The following RTL4 variants were observed in gnomAD, a reference collection of about 807,000 sequenced individuals.
RTL4 encodes the protein retrotransposon Gag-like protein 4.
A neutral mutation model predicts 5.3 loss-of-function variants in RTL4; 4 were observed. The observed-to-expected ratio is 0.75, with a 90% CI of 0.37 to 1.72. The LOEUF is 1.72. Ranked by LOEUF, RTL4 falls within the 40% of genes most tolerant of loss-of-function variation. The pLI is 0.04. For missense variants in RTL4, 260 were observed against 227.1 expected (o/e 1.14, Z -0.93); for synonymous variants, 98 against 87.3 (o/e 1.12, Z -0.68).
the RTL4 span, among the ~76,000 whole-genome samples, chrX:112,159,059 A>G: frequency 8.9e-6 from 1 of 112,137 alleles, no homozygotes. Flanking sequence ...ATTTGCATTC[A>G]TTGATTACCA....
At chrX:112,089,708 G>A in the RTL4 span, among the ~76,000 whole-genome samples, 1 of 111,530 alleles carries the variant, frequency 9.0e-6, no homozygotes, top group Non-Finnish European at 1.9e-5. Context: ...TCTTTTTCAA[G>A]ACTGTTAAGA....
the RTL4 span, among the ~76,000 whole-genome samples, chrX:112,358,127 T>G: frequency 1.7e-3 from 185 of 111,005 alleles, no homozygotes; most frequent in African/African-American, 5.8e-3. Flanking sequence ...TATTTATTTT[T>G]AGGCAGGGTC....
At chrX:112,195,272 A>C in the RTL4 span, among the ~76,000 whole-genome samples, 2 of 112,142 alleles carry the variant, frequency 1.8e-5, no homozygotes, top group Non-Finnish European at 3.8e-5. Flanking sequence ...GCATAGAGAC[A>C]GGAAGCTATT....
chrX:112,108,352 C>T, the RTL4 span, among the ~76,000 whole-genome samples: 5 of 111,723 alleles, frequency 4.5e-5, no homozygotes, highest in South Asian at 7.5e-4. Flanking sequence ...TCTTTGGTGA[C>T]GTCATGTTTC....
chrX:112,167,342 T>C, the RTL4 span, among the ~76,000 whole-genome samples: 1 of 111,921 alleles, frequency 8.9e-6, no homozygotes, highest in South Asian at 3.7e-4. Flanking sequence ...GCAAATTGTG[T>C]TGGTAGAACT....
the RTL4 span, among the ~76,000 whole-genome samples, chrX:112,385,203 G>A: frequency 9.0e-6 from 1 of 110,660 alleles, no homozygotes; most frequent in Non-Finnish European, 1.9e-5. Flanking sequence ...TTTAAATTTT[G>A]ATGAAATCTG....
the RTL4 span, among the ~76,000 whole-genome samples, chrX:112,115,459 A>G: frequency 9.0e-6 from 1 of 111,465 alleles, no homozygotes; most frequent in Non-Finnish European, 1.9e-5. Context: ...GGAGGGCCAT[A>G]CCCTGAGGGA....
At chrX:112,233,615 C>T in the RTL4 span, among the ~76,000 whole-genome samples, 2 of 111,389 alleles carry the variant, frequency 1.8e-5, no homozygotes, top group African/African-American at 6.5e-5. Flanking sequence ...AAGATTTTCT[C>T]GACAATCATG....
the RTL4 span, among the ~76,000 whole-genome samples, chrX:112,256,967 C>T: frequency 5.4e-5 from 6 of 111,130 alleles, no homozygotes; most frequent in Non-Finnish European, 1.1e-4. Flanking sequence ...ATTTTTTCTT[C>T]TTTGTTATGA....
the RTL4 span, among the ~76,000 whole-genome samples, chrX:112,402,400 T>TTTTGTG: frequency 3.2e-4 from 28 of 87,419 alleles, no homozygotes; most frequent in Admixed American, 5.3e-4. Flanking sequence ...GGAATTATTA[T>TTTTGTG]TGTGTGTGTG....
the RTL4 span, among the ~76,000 whole-genome samples, chrX:112,158,192 A>C: frequency 2.7e-5 from 3 of 111,625 alleles, no homozygotes; most frequent in Non-Finnish European, 3.8e-5. Flanking sequence ...ATGTAATCTC[A>C]GCCTAAAGCA....
the RTL4 span, among the ~76,000 whole-genome samples, chrX:112,181,285 GT>G: frequency 3.6e-5 from 4 of 111,660 alleles, no homozygotes; most frequent in Non-Finnish European, 7.5e-5. Flanking sequence ...AGCTGCAGGA[GT>G]TTTTTTCCAT....
the RTL4 span, among the ~76,000 whole-genome samples, chrX:112,224,437 G>A: frequency 9.2e-6 from 1 of 109,094 alleles, no homozygotes; most frequent in Admixed American, 1.0e-4. Context: ...CGCCTCCCAG[G>A]TTCAAGCGAT....
chrX:112,360,468 T>C, the RTL4 span, among the ~76,000 whole-genome samples: 658 of 111,273 alleles, frequency 5.9e-3, 4 homozygotes, highest in African/African-American at 0.02. Context: ...AGTTAACCAT[T>C]GTTTATGTTG....
At chrX:112,378,210 G>A in the RTL4 span, among the ~76,000 whole-genome samples, 23 of 111,072 alleles carry the variant, frequency 2.1e-4, no homozygotes, top group African/African-American at 7.5e-4. Context: ...GTAGTTATAG[G>A]GTATCCTTTA....
the RTL4 span, among the ~76,000 whole-genome samples, chrX:112,339,572 C>T: frequency 8.9e-6 from 1 of 112,066 alleles, no homozygotes; most frequent in Non-Finnish European, 1.9e-5. Flanking sequence ...TATTTTGTTC[C>T]ATGAAAATAA....
the RTL4 span, among the ~76,000 whole-genome samples, chrX:112,349,940 C>G: frequency 9.1e-6 from 1 of 110,371 alleles, no homozygotes; most frequent in East Asian, 2.9e-4. Context: ...CTGCCTTGTG[C>G]CAGTTTTCAA....
the RTL4 span, among the ~76,000 whole-genome samples, chrX:112,326,635 G>C: frequency 2.8e-3 from 316 of 111,851 alleles, 1 homozygote; most frequent in African/African-American, 9.9e-3. Context: ...CGGGAAGCTC[G>C]AACTGGGTGG....
the RTL4 span, among the ~76,000 whole-genome samples, chrX:112,352,727 C>A: frequency 1.8e-5 from 2 of 111,263 alleles, no homozygotes; most frequent in Non-Finnish European, 3.8e-5. Flanking sequence ...CCATAAAAAC[C>A]CTAGAAGAAA....
Sources: allele counts gnomAD v4.1 joint callset (sites outside exome capture counted in the v4.1 genomes callset), GRCh38; gene constraint gnomAD v4.1.1; transcripts MANE v1.5; gene names NCBI Gene and HGNC (gene_info 2026-07-23, HGNC 2026-07-21).